NLN: variants seen among roughly 807,000 people sequenced by gnomAD.
NLN encodes the protein neurolysin, also known as neurolysin, mitochondrial.
In NLN, 64 loss-of-function variants were observed where a neutral mutation model predicts 79.9. The observed-to-expected ratio is 0.80, with a 90% CI of 0.65 to 0.99. The LOEUF is 0.99. Ranked by LOEUF, NLN falls within the 50% of genes least tolerant of loss-of-function variation. NLN has a pLI of 0.00. For synonymous variants in NLN, 267 were observed against 296.6 expected, an observed-to-expected ratio of 0.90 and a Z score of 1.02; for missense variants, 835 against 858.7, an observed-to-expected ratio of 0.97 and a Z score of 0.34.
chr5:65,790,425 G>A (rs1760029336), intron 8 of NLN, among the ~76,000 whole-genome samples: 1 of 152,212 alleles, frequency 6.6e-6, no homozygotes, highest in Non-Finnish European at 1.5e-5. Flanking sequence ...GTTCTGCAGG[G>A]CTGGGGAGAC....
chr5:65,803,643 G>A (rs1054201227), intron 9 of NLN, among the ~76,000 whole-genome samples: 1 of 151,872 alleles, frequency 6.6e-6, no homozygotes, highest in Non-Finnish European at 1.5e-5. Context: ...GGGATGCCCA[G>A]GTCTGCATCT....
intron 1 of NLN, among the ~76,000 whole-genome samples, chr5:65,730,018 C>T (rs1483955967): frequency 6.6e-6 from 1 of 152,204 alleles, no homozygotes; most frequent in Non-Finnish European, 1.5e-5. Flanking sequence ...TCTGTTTCCT[C>T]CTCAGTAAAT....
At chr5:65,736,552 A>G (rs550673806) in intron 1 of NLN, among the ~76,000 whole-genome samples, 1 of 152,342 alleles carries the variant, frequency 6.6e-6, no homozygotes, top group Admixed American at 6.5e-5. Context: ...ATGAGTAGCC[A>G]TTGATCCACT....
chr5:65,746,259 CA>C (rs1315849076), intron 1 of NLN, among the ~76,000 whole-genome samples: 4 of 152,040 alleles, frequency 2.6e-5, no homozygotes, highest in Non-Finnish European at 5.9e-5. Flanking sequence ...TGATAAAAAT[CA>C]TGAGGGAACA....
At chr5:65,781,566 T>TC in intron 6 of NLN, 145 bp downstream of exon 6, 1 of 654,734 alleles carries the variant, frequency 1.5e-6, no homozygotes, top group African/African-American at 1.8e-5. Flanking sequence ...TTACAAGACT[T>TC]TTAGCTTTTT....
intron 12 of NLN, among the ~76,000 whole-genome samples, chr5:65,818,509 C>T (rs1044183640): frequency 4.6e-5 from 7 of 152,150 alleles, no homozygotes; most frequent in Non-Finnish European, 8.8e-5. Context: ...CTCTTCTAAT[C>T]AGGCAACAAT....
At chr5:65,783,678 G>A (rs945246059) in intron 6 of NLN, among the ~76,000 whole-genome samples, 15 of 150,032 alleles carry the variant, frequency 1.0e-4, no homozygotes, top group African/African-American at 3.7e-4. Flanking sequence ...TCAGCAATAT[G>A]GCAAGACCTC....
chr5:65,828,675 G>A lies in NLN; in HGVS notation c.*5760G>A, dbSNP rs900572097. On this transcript the variant is annotated 3_prime_UTR_variant, in exon 13 of 13. Transcript: ENST00000380985. The stretch of plus-strand genomic sequence containing the variant: ...GGTTAAAAATACATTCCGCTGCTGT[G>A]GAAAGCCTGTAGCTGCCAGGAGTGT... The A allele has an allele frequency of 1.3e-5, 2 of 152,214 alleles. No individual in the cohort carries two copies. Among genetic ancestry groups the A allele is most frequent in the African/African-American group, 4.8e-5 (2 of 41,462 alleles). 9.4% of individuals were successfully genotyped at this position (152,214 alleles called of 1,614,324 possible).
At chr5:65,822,010 CT>C (rs1252073538) in intron 12 of NLN, among the ~76,000 whole-genome samples, 4 of 151,962 alleles carry the variant, frequency 2.6e-5, no homozygotes, top group African/African-American at 9.7e-5. Context: ...TGTTTATTAT[CT>C]GTATATTTGG....
At chr5:65,798,245 A>G (rs1284160368) in intron 9 of NLN, among the ~76,000 whole-genome samples, 1 of 152,176 alleles carries the variant, frequency 6.6e-6, no homozygotes. Context: ...GGGTACTGTT[A>G]TTGTCCCCAT....
rs574062098 is a variant in NLN, at chr5:65,738,843, G to A, written c.41+16429G>A. Among the ~76,000 whole-genome samples, 9 of 149,122 alleles carry A rather than the reference G, an allele frequency of 6.0e-5. No individual in the cohort carries two copies. In the South Asian group the frequency reaches 1.9e-3, roughly 31 times the overall value. ...GTGATCTCAGCTCACTGCAACCTCTGCCTCCCAAGTTCAAGTGATTCTCCT... is the reference window on the plus strand; with the variant it reads ...GTGATCTCAGCTCACTGCAACCTCTACCTCCCAAGTTCAAGTGATTCTCCT... On this transcript the variant is annotated intron_variant, in intron 1 of 12. Coordinates refer to ENST00000380985, the MANE Select transcript of NLN (RefSeq NM_020726.5).
chr5:65,776,219 A>G (rs2150754674), intron 3 of NLN, among the ~76,000 whole-genome samples: 1 of 152,336 alleles, frequency 6.6e-6, no homozygotes, highest in East Asian at 1.9e-4. Context: ...GCACCACTGC[A>G]CTCCAGCCTG....
At chr5:65,804,245 A>G (rs1731949823) in intron 9 of NLN, among the ~76,000 whole-genome samples, 1 of 152,192 alleles carries the variant, frequency 6.6e-6, no homozygotes, top group Admixed American at 6.5e-5. Context: ...TTGAAGTTAC[A>G]TCATTAATCT....
At chr5:65,815,738 T>G (rs1396899722) in intron 12 of NLN, among the ~76,000 whole-genome samples, 2 of 152,100 alleles carry the variant, frequency 1.3e-5, no homozygotes, top group Non-Finnish European at 2.9e-5. Context: ...TCCTACAATA[T>G]ACTATTTGGG....
intron 3 of NLN, among the ~76,000 whole-genome samples, chr5:65,776,205 A>G: frequency 6.6e-6 from 1 of 152,186 alleles, no homozygotes; most frequent in East Asian, 1.9e-4. Flanking sequence ...GTGAGCTGAT[A>G]ATCGCACCAC....
At chr5:65,792,350 C>A in intron 8 of NLN, 104 bp from the exon 9 acceptor site, 1 of 699,386 alleles carries the variant, frequency 1.4e-6, no homozygotes. Flanking sequence ...TGTTTAAAGG[C>A]ATCTCTGGTA....
chr5:65,790,470 C>A (rs1325808427), intron 8 of NLN, among the ~76,000 whole-genome samples: 3 of 152,186 alleles, frequency 2.0e-5, no homozygotes, highest in African/African-American at 7.2e-5. Flanking sequence ...GAAGGGGAAA[C>A]AAACACATCC....
At chr5:65,785,700 C>T (rs1318184783) in intron 6 of NLN, 75 bp from the exon 7 acceptor site, 1 of 1,149,190 alleles carries the variant, frequency 8.7e-7, no homozygotes, top group African/African-American at 1.5e-5. Flanking sequence ...AAAATACATA[C>T]AGTAATTCTT....
At chr5:65,724,871 G>T (rs142240367) in intron 1 of NLN, among the ~76,000 whole-genome samples, 1,722 of 148,342 alleles carry the variant, frequency 0.012, 36 homozygotes, top group African/African-American at 0.04. Flanking sequence ...GCGCTATCTC[G>T]GCTCACTGCA....
Sources: allele counts gnomAD v4.1 joint callset (sites outside exome capture counted in the v4.1 genomes callset), GRCh38; gene constraint gnomAD v4.1.1; transcripts MANE v1.5; gene names NCBI Gene and HGNC (gene_info 2026-07-23, HGNC 2026-07-21).